DTWD2: variants seen among roughly 807,000 people sequenced by gnomAD.
The protein encoded by DTWD2 is tRNA-uridine aminocarboxypropyltransferase 2.
A neutral mutation model predicts 31.8 loss-of-function variants in DTWD2; 39 were observed. The ratio of observed to expected loss-of-function variants is 1.22; its 90% CI spans 0.95 to 1.60. The LOEUF (loss-of-function observed/expected upper bound fraction) is 1.60, where lower values mean the gene tolerates loss of function less well. Among genes scored for constraint, DTWD2 ranks in the 40% most tolerant of loss-of-function variants. DTWD2 has a pLI of 0.00. For synonymous variants in DTWD2, 180 were observed against 142.8 expected, an observed-to-expected ratio of 1.26 and a Z score of -1.86; for missense variants, 515 against 381.5, an observed-to-expected ratio of 1.35 and a Z score of -2.92.
intron 1 of DTWD2, among the ~76,000 whole-genome samples, chr5:118,956,066 TCA>T (rs1438269632): frequency 3.3e-5 from 5 of 152,188 alleles, no homozygotes; most frequent in African/African-American, 1.2e-4. Context: ...CTTGGGCATG[TCA>T]CAGATTTTCA....
chr5:118,840,688 G>A lies in DTWD2; in HGVS notation c.*229C>T. The A allele has an allele frequency of 2.9e-6, 1 of 341,392 alleles. No individual in the cohort carries two copies. The highest frequency in any genetic ancestry group is 6.4e-5 in the South Asian group (1 of 15,716). The allele number at this position is 341,392 out of a possible 1,614,324, so 21.1% of individuals were successfully genotyped here. A position where few individuals can be genotyped will look rare whatever the true frequency, so the allele number is the denominator to read the frequency against. On this transcript the variant is annotated 3_prime_UTR_variant, in exon 6 of 6. Transcript: ENST00000510708. The stretch of plus-strand genomic sequence containing the variant: ...TTGGGTTTGAAAACATGTATTAGAG[G>A]CACATTTTTAAAAACAAGTACAGTA...
intron 5 of DTWD2, among the ~76,000 whole-genome samples, chr5:118,842,073 AC>A (rs1751731599): frequency 1.3e-5 from 2 of 152,032 alleles, no homozygotes; most frequent in African/African-American, 4.8e-5. Flanking sequence ...TATAATACAC[AC>A]TCTCACATCT....
At chr5:118,887,560 A>G (rs903796323) in intron 4 of DTWD2, among the ~76,000 whole-genome samples, 1 of 152,192 alleles carries the variant, frequency 6.6e-6, no homozygotes, top group African/African-American at 2.4e-5. Flanking sequence ...CCTTCTGTAT[A>G]CAAAAGCATG....
chr5:118,876,410 T>A (rs990755473), intron 4 of DTWD2, among the ~76,000 whole-genome samples: 1 of 151,800 alleles, frequency 6.6e-6, no homozygotes, highest in Non-Finnish European at 1.5e-5. Flanking sequence ...GACTAAGACA[T>A]GAAAAACCAT....
chr5:118,903,113 ATTTG>A (rs141730735), intron 4 of DTWD2, among the ~76,000 whole-genome samples: 3,600 of 151,232 alleles, frequency 0.024, 152 homozygotes, highest in African/African-American at 0.083. Flanking sequence ...TTCACCAAAA[ATTTG>A]TTTATTAATA....
chr5:118,979,735 A>C (rs1755254641), intron 1 of DTWD2, among the ~76,000 whole-genome samples: 1 of 152,250 alleles, frequency 6.6e-6, no homozygotes, highest in South Asian at 2.1e-4. Flanking sequence ...ATCCTCAGCA[A>C]ACTAATGCAG....
At chr5:118,965,271 C>A (rs1421188313) in intron 1 of DTWD2, among the ~76,000 whole-genome samples, 2 of 150,760 alleles carry the variant, frequency 1.3e-5, no homozygotes, top group African/African-American at 4.9e-5. Flanking sequence ...AGGTGGGGGG[C>A]AGCCCCCGCC....
intron 4 of DTWD2, among the ~76,000 whole-genome samples, chr5:118,860,067 A>C (rs143091842): frequency 6.6e-6 from 1 of 152,030 alleles, no homozygotes; most frequent in African/African-American, 2.4e-5. Context: ...GCAGTGAGCC[A>C]TGATCATTCC....
chr5:118,863,605 TTAA>T (rs1752316055), intron 4 of DTWD2, among the ~76,000 whole-genome samples: 1 of 152,188 alleles, frequency 6.6e-6, no homozygotes, highest in Admixed American at 6.5e-5. Flanking sequence ...GACTTTTAAG[TTAA>T]TAAAAAAATT....
At chr5:118,902,258 T>C (rs1273386155) in intron 4 of DTWD2, among the ~76,000 whole-genome samples, 1 of 152,144 alleles carries the variant, frequency 6.6e-6, no homozygotes, top group Non-Finnish European at 1.5e-5. Context: ...AAATAAGTCC[T>C]TTCTGTTAAA....
Position 118,973,973 on chromosome 5 carries a change from G to A in DTWD2, c.218+14321C>T, listed in dbSNP as rs1043570082. The A allele has an allele frequency of 3.2e-6, 5 of 1,585,118 alleles. No individual in the cohort carries two copies. In the African/African-American group the frequency reaches 6.7e-5, roughly 21 times the overall value. ...GGTAGATGAAGAAGAGGAAGAAGGT[G>A]GGGAGGAAGAGGAGGAGGAAGAAGG... On this transcript the variant is annotated intron_variant, in intron 1 of 5. Transcript: ENST00000510708.
intron 3 of DTWD2, among the ~76,000 whole-genome samples, chr5:118,935,274 T>A (rs1481738235): frequency 1.3e-5 from 2 of 152,228 alleles, no homozygotes; most frequent in African/African-American, 4.8e-5. Flanking sequence ...CATAAACTGG[T>A]AAACATTAAG....
intron 4 of DTWD2, among the ~76,000 whole-genome samples, chr5:118,898,156 T>C (rs1210117634): frequency 6.6e-6 from 1 of 151,678 alleles, no homozygotes; most frequent in Non-Finnish European, 1.5e-5. Flanking sequence ...TGAGCCACCA[T>C]GCCCAGCCAA....
In DTWD2 at chr5:118,897,278, T is replaced by C. The variant is rs1753104685; in HGVS notation, c.597+31259A>G. ...ATCACATAAGATGTATTTACTTAAA[T>C]CTTCCAGTACTGAATTGTAACATGT... On this transcript the variant is annotated intron_variant, in intron 4 of 5. Coordinates refer to ENST00000510708, the MANE Select transcript of DTWD2 (RefSeq NM_173666.4). Among the ~76,000 whole-genome samples, 3 of 152,212 alleles carry C rather than the reference T, an allele frequency of 2.0e-5. No individual in the cohort carries two copies. In the South Asian group the frequency reaches 6.2e-4, roughly 31 times the overall value.
chr5:118,957,696 A>C (rs929376640), intron 1 of DTWD2, among the ~76,000 whole-genome samples: 1 of 152,208 alleles, frequency 6.6e-6, no homozygotes. Context: ...TTTAGATGAG[A>C]GTTTCAGAGA....
chr5:118,973,896 C>T (rs1755060735), intron 1 of DTWD2: 3 of 1,609,160 alleles, frequency 1.9e-6, no homozygotes, highest in Non-Finnish European at 2.5e-6. Flanking sequence ...AGAGACGCCC[C>T]TGCTAACGGG....
chr5:118,848,193 C>A lies in DTWD2; in HGVS notation c.623G>T (p.Ser208Ile). Residue 208 changes from serine to isoleucine, a missense_variant, in exon 5 of 6, where the codon AGT becomes ATT. Coordinates refer to ENST00000510708, the MANE Select transcript of DTWD2 (RefSeq NM_173666.4). Reference sequence around the variant, plus strand: ...CGGCTGCATCCGAATTACATACTGACTAGAAATGCTAGTTTTTAATTGCAC... The same window carrying A: ...CGGCTGCATCCGAATTACATACTGAATAGAAATGCTAGTTTTTAATTGCAC... ...KQVQLKTSIS[S>I]QYVIRMQPTN... The A allele has an allele frequency of 6.2e-7, 1 of 1,601,066 alleles. No homozygotes were observed. Among genetic ancestry groups the A allele is most frequent in the Non-Finnish European group, 8.5e-7 (1 of 1,174,880 alleles).
intron 1 of DTWD2, among the ~76,000 whole-genome samples, chr5:118,945,020 G>A (rs1015486816): frequency 3.9e-5 from 6 of 152,128 alleles, no homozygotes; most frequent in African/African-American, 1.4e-4. Context: ...ACTCTTCTGT[G>A]TCACTTTAAG....
At chr5:118,906,525 T>C (rs1455368102) in intron 4 of DTWD2, among the ~76,000 whole-genome samples, 2 of 152,110 alleles carry the variant, frequency 1.3e-5, no homozygotes, top group African/African-American at 4.8e-5. Flanking sequence ...ATAAAAACAA[T>C]GAACTTCTGA....
Sources: allele counts gnomAD v4.1 joint callset (sites outside exome capture counted in the v4.1 genomes callset), GRCh38; gene constraint gnomAD v4.1.1; transcripts MANE v1.5; gene names NCBI Gene and HGNC (gene_info 2026-07-23, HGNC 2026-07-21).